The following PLXNB2 variants were observed in gnomAD, a reference collection of about 807,000 sequenced individuals.
PLXNB2 encodes the protein plexin B2, also known as plexin-B2.
PLXNB2 carries 85 observed loss-of-function variants against 202.6 expected under a neutral mutation model. That is an observed-to-expected ratio of 0.42 (90% CI 0.35 to 0.50). The LOEUF (loss-of-function observed/expected upper bound fraction) is 0.50, where lower values mean the gene tolerates loss of function less well. PLXNB2 is among the 20% of genes least tolerant of loss of function. The pLI is 0.02. For missense variants in PLXNB2, 2,063 were observed against 2,586.2 expected (o/e 0.80, Z 4.39); for synonymous variants, 1,239 against 1,137.6 (o/e 1.09, Z -1.79).
rs368232929 is a variant in PLXNB2 at position 50,282,124 on chromosome 22, G to A, written c.3118-43C>T. On this transcript the variant is annotated intron_variant, in intron 19 of 36. Coordinates refer to ENST00000359337, the MANE Select transcript of PLXNB2 (RefSeq NM_012401.4). ...CTGTCAGCCCCCGGGCGCAGACCCCGCCCTTCCTGGGCACGATCCCATGGG... is the reference window on the plus strand; with the variant it reads ...CTGTCAGCCCCCGGGCGCAGACCCCACCCTTCCTGGGCACGATCCCATGGG... 3.7e-5 allele frequency: 59 copies of A among 1,603,882 alleles called. 1 individual carries two copies. Among genetic ancestry groups the A allele is most frequent in the African/African-American group, 1.5e-4 (11 of 74,924 alleles).
In PLXNB2 at chr22:50,284,996, C is replaced by G; in HGVS notation, c.2089-331G>C. The G allele has an allele frequency of 2.1e-6, 1 of 467,262 alleles. No individual in the cohort carries two copies. Among genetic ancestry groups the G allele is most frequent in the South Asian group, 1.8e-5 (1 of 56,706 alleles). The allele number at this position is 467,262 out of a possible 1,614,324, so 28.9% of individuals were successfully genotyped here. A position where few individuals can be genotyped will look rare whatever the true frequency, so the allele number is the denominator to read the frequency against. ...GGTGGCACTGGCCCCTCAATCTCCACACGCCTGCCTCCTCCACTGCCTCTC... is the reference window on the plus strand; with the variant it reads ...GGTGGCACTGGCCCCTCAATCTCCAGACGCCTGCCTCCTCCACTGCCTCTC... On this transcript the variant is annotated intron_variant, in intron 11 of 36. Coordinates refer to ENST00000359337, the MANE Select transcript of PLXNB2 (RefSeq NM_012401.4). This position sits in a 1 kb window ranked among gnomAD's most constrained non-coding sequence, Gnocchi z 8.0.
At position 50,275,968 on chromosome 22, in the gene PLXNB2, G is replaced by C. The variant is rs754749475; in HGVS notation, c.5338-5C>G. The C allele has an allele frequency of 1.6e-5, 25 of 1,612,232 alleles. No homozygotes were observed. The highest frequency in any genetic ancestry group is 1.2e-4 in the African/African-American group (9 of 74,898). On this transcript the variant is annotated splice_region_variant and splice_polypyrimidine_tract_variant and intron_variant, in intron 35 of 36. Transcript: ENST00000359337. ...GTTCAAGGAGTCCGTGTGCGCCTGGGGGGTGACGGGACAGTCAGGGTGGAA... is the reference window on the plus strand; with the variant it reads ...GTTCAAGGAGTCCGTGTGCGCCTGGCGGGTGACGGGACAGTCAGGGTGGAA...
rs1453128996 is a variant in PLXNB2, at chr22:50,288,624, A to AGGGC, written c.1380+115_1380+118dup. The AGGGC allele has an allele frequency of 2.9e-6, 4 of 1,390,192 alleles. No individual in the cohort carries two copies. The highest frequency in any genetic ancestry group is 4.6e-5 in the Admixed American group (2 of 43,662). The allele number at this position is 1,390,192 out of a possible 1,614,324, so 86.1% of individuals were successfully genotyped here. ...CCACCCCTCATCCAGACCAAGGAGA[A>AGGGC]GGGCCCAGCTCTGCAGCACCCCATC... On this transcript the variant is annotated intron_variant, in intron 5 of 36. Transcript: ENST00000359337. This position sits in a 1 kb window ranked among gnomAD's most constrained non-coding sequence, Gnocchi z 5.0.
At chr22:50,294,676 A>G (rs1239890966) in intron 2 of PLXNB2, 43 bp downstream of exon 2, 2 of 913,546 alleles carry the variant, frequency 2.2e-6, no homozygotes, top group Non-Finnish European at 2.6e-6. Flanking sequence ...CCCTGTCCAC[A>G]TAGCCCCAGC....
Position 50,278,769 on chromosome 22 carries a change from G to A in PLXNB2, c.4547-73C>T, listed in dbSNP as rs534958111. The A allele has an allele frequency of 2.9e-4, 454 of 1,587,520 alleles. No homozygotes were observed. In the African/African-American group the frequency reaches 3.5e-3, roughly 12 times the overall value. ...CCCACTGCCCACCACTCCCATATGA[G>A]AAAGCTGGCCAGGCAGGATACCGCC... On this transcript the variant is annotated intron_variant, in intron 28 of 36. Coordinates refer to ENST00000359337, the MANE Select transcript of PLXNB2 (RefSeq NM_012401.4).
Position 50,297,454 on chromosome 22 carries a change from C to G in PLXNB2, c.-73-2676G>C, listed in dbSNP as rs2067363083. Among the ~76,000 whole-genome samples, 1 of 152,170 alleles carries G rather than the reference C, an allele frequency of 6.6e-6. No individual in the cohort carries two copies. Among genetic ancestry groups the G allele is most frequent in the African/African-American group, 2.4e-5 (1 of 41,420 alleles). ...CTGCCGTCCTCTTCCCTGGCCCTCA[C>G]CGTGGAGAACGGCCATGGATTTCCC... On this transcript the variant is annotated intron_variant, in intron 1 of 36. Coordinates refer to ENST00000359337, the MANE Select transcript of PLXNB2 (RefSeq NM_012401.4). This position sits in a 1 kb window ranked among gnomAD's most constrained non-coding sequence, Gnocchi z 5.3.
chr22:50,288,917 A>T lies in PLXNB2; in HGVS notation c.1251+43T>A. On this transcript the variant is annotated intron_variant, in intron 4 of 36. Coordinates refer to ENST00000359337, the MANE Select transcript of PLXNB2 (RefSeq NM_012401.4). This position sits in a 1 kb window ranked among gnomAD's most constrained non-coding sequence, Gnocchi z 5.0. ...CGGTGAGGGTACGGGCCTTGTGCAC[A>T]GACGGGCCCTCCAGAGCCTCCCCGC... 6.2e-7 allele frequency: 1 copy of T among 1,609,298 alleles called. No homozygotes were observed. Among genetic ancestry groups the T allele is most frequent in the Non-Finnish European group, 8.5e-7 (1 of 1,176,906 alleles).
At chr22:50,285,945 G>C (rs760958966) in intron 10 of PLXNB2, 44 bp from the exon 11 acceptor site, 1 of 1,601,848 alleles carries the variant, frequency 6.2e-7, no homozygotes, top group Non-Finnish European at 8.5e-7. Context: ...GCACAGCGGA[G>C]CAGCCATGCC....
At chr22:50,292,267 G>C (rs1237378447) in intron 2 of PLXNB2, among the ~76,000 whole-genome samples, 2 of 150,730 alleles carry the variant, frequency 1.3e-5, no homozygotes, top group Non-Finnish European at 2.9e-5. Flanking sequence ...GAACCTGGGA[G>C]GCGGAGGTTG....
intron 27 of PLXNB2, among the ~76,000 whole-genome samples, chr22:50,279,424 G>A (rs929688582): frequency 2.6e-5 from 4 of 152,268 alleles, no homozygotes; most frequent in East Asian, 1.9e-4. Flanking sequence ...GAGCTGATGC[G>A]GGGCCCGCAC....
In PLXNB2 at chr22:50,297,491, T is replaced by C. The variant is rs1025707214; in HGVS notation, c.-73-2713A>G. Among the ~76,000 whole-genome samples, 3 of 152,050 alleles carry C rather than the reference T, an allele frequency of 2.0e-5. No individual in the cohort carries two copies. Among genetic ancestry groups the C allele is most frequent in the East Asian group, 1.9e-4 (1 of 5,186 alleles). The stretch of plus-strand genomic sequence containing the variant: ...GCCATGGATTTCCCCTCCCAGAGAA[T>C]AACACCATGATCCCTCCACCCTCAG... On this transcript the variant is annotated intron_variant, in intron 1 of 36. Transcript: ENST00000359337. The surrounding 1 kb of genome is among the most constrained non-coding windows in gnomAD (Gnocchi z 5.3).
At chr22:50,306,188 C>T (rs956294399) in intron 1 of PLXNB2, among the ~76,000 whole-genome samples, 2 of 152,214 alleles carry the variant, frequency 1.3e-5, no homozygotes, top group African/African-American at 4.8e-5. Context: ...TAACTTCCCT[C>T]CTCTACTGGG....
chr22:50,299,348 T>G (rs971433470), intron 1 of PLXNB2, among the ~76,000 whole-genome samples: 49 of 147,496 alleles, frequency 3.3e-4, no homozygotes, highest in African/African-American at 1.1e-3. Context: ...TCGGACCAAG[T>G]GAGCGATAGG....
Position 50,287,275 on chromosome 22 carries a change from G to A in PLXNB2, c.1609-11C>T. 6.7e-7 allele frequency: 1 copy of A among 1,483,260 alleles called. No homozygotes were observed. Among genetic ancestry groups the A allele is most frequent in the South Asian group, 1.4e-5 (1 of 73,986 alleles). The allele number at this position is 1,483,260 out of a possible 1,614,324, so 91.9% of individuals were successfully genotyped here. A position where few individuals can be genotyped will look rare whatever the true frequency, so the allele number is the denominator to read the frequency against. The stretch of plus-strand genomic sequence containing the variant: ...GACGGTCAGCTGCACCTGAGGGAGG[G>A]GCCGTGCCGCTCACACTGGGAACCC... On this transcript the variant is annotated splice_polypyrimidine_tract_variant and intron_variant, in intron 7 of 36. Coordinates refer to ENST00000359337, the MANE Select transcript of PLXNB2 (RefSeq NM_012401.4).
chr22:50,295,059 G>A (rs996031519), intron 1 of PLXNB2, among the ~76,000 whole-genome samples: 3 of 152,108 alleles, frequency 2.0e-5, no homozygotes, highest in Non-Finnish European at 2.9e-5. Context: ...GGTGGCTCCC[G>A]CCTGTAATCC....
At position 50,288,738 on chromosome 22, in the gene PLXNB2, C is replaced by T. The variant is rs2066649357; in HGVS notation, c.1380+5G>A. ...GAGTGCTCTCCGGGGCTGCGTCTGG[C>T]TCACCTTGTCCTGGGTCATGGCGTA... On this transcript the variant is annotated splice_donor_5th_base_variant and intron_variant, in intron 5 of 36. Transcript: ENST00000359337. The surrounding 1 kb of genome is among the most constrained non-coding windows in gnomAD (Gnocchi z 5.0). The T allele has an allele frequency of 1.9e-6, 3 of 1,612,746 alleles. No individual in the cohort carries two copies. The highest frequency in any genetic ancestry group is 2.5e-6 in the Non-Finnish European group (3 of 1,179,884).
Position 50,284,389 on chromosome 22 carries a change from G to T in PLXNB2, c.2182-176C>A. On this transcript the variant is annotated intron_variant, in intron 12 of 36. Transcript: ENST00000359337. The surrounding 1 kb of genome is among the most constrained non-coding windows in gnomAD (Gnocchi z 8.0). Reference sequence around the variant, plus strand: ...CATGGACGCTGCTCTGTGCCACTCTGTCCCCAGGGAGGCAGAGGGCAGAGG... The same window carrying T: ...CATGGACGCTGCTCTGTGCCACTCTTTCCCCAGGGAGGCAGAGGGCAGAGG... The T allele has an allele frequency of 1.4e-6, 1 of 734,554 alleles. No individual in the cohort carries two copies. The highest frequency in any genetic ancestry group is 2.3e-6 in the Non-Finnish European group (1 of 434,584). 45.5% of individuals were successfully genotyped at this position (734,554 alleles called of 1,614,324 possible). A position where few individuals can be genotyped will look rare whatever the true frequency, so the allele number is the denominator to read the frequency against.
At chr22:50,300,500 GA>G (rs1332203377) in intron 1 of PLXNB2, among the ~76,000 whole-genome samples, 2 of 152,202 alleles carry the variant, frequency 1.3e-5, no homozygotes, top group African/African-American at 4.8e-5. Context: ...AGACTCACCC[GA>G]GGCAAAGGCC....
chr22:50,284,947 GC>G lies in PLXNB2; in HGVS notation c.2089-283del, dbSNP rs1201763703. 8.9e-6 allele frequency: 5 copies of G among 559,634 alleles called. No homozygotes were observed. Among genetic ancestry groups the G allele is most frequent in the Admixed American group, 4.6e-5 (2 of 43,484 alleles). The allele number at this position is 559,634 out of a possible 1,614,324, so 34.7% of individuals were successfully genotyped here. Reference sequence around the variant, plus strand: ...ATCGCCCGGCCCACCTGACATCGTGGCCCCCACAGCTCCCTCCTCAGGAGGT... The same window carrying G: ...ATCGCCCGGCCCACCTGACATCGTGGCCCCACAGCTCCCTCCTCAGGAGGT... On this transcript the variant is annotated intron_variant, in intron 11 of 36. Transcript: ENST00000359337. The surrounding 1 kb of genome is among the most constrained non-coding windows in gnomAD (Gnocchi z 8.0).
Sources: gnomAD v4.1 joint callset for allele counts (sites outside exome capture counted in the v4.1 genomes callset) on GRCh38, gnomAD v4.1.1 for gene constraint, Gnocchi (gnomAD v3.1) non-coding constraint, MANE v1.5 for transcripts, NCBI Gene and HGNC (gene_info 2026-07-23, HGNC 2026-07-21) for gene names.